Variants in CHRND observed in about 807,000 individuals in gnomAD.
The protein encoded by CHRND is cholinergic receptor nicotinic delta subunit.
Under a neutral mutation model 57.8 loss-of-function variants are expected in CHRND, and 40 were observed. That is an observed-to-expected ratio of 0.69 (90% confidence interval 0.54 to 0.90). The LOEUF (loss-of-function observed/expected upper bound fraction) is 0.90. CHRND is among the 40% of genes least tolerant of loss of function. The pLI is 0.00. For missense variants in CHRND, 634 were observed against 673.9 expected (o/e 0.94, Z 0.66); for synonymous variants, 237 against 270.6 (o/e 0.88, Z 1.22).
intron 7 of CHRND, among the ~76,000 whole-genome samples, chr2:232,530,854 G>A (rs879549196): frequency 1.3e-5 from 2 of 152,302 alleles, no homozygotes; most frequent in Admixed American, 6.5e-5. Context: ...TTGCCATCAC[G>A]TGCAGGAGCT....
chr2:232,528,433 C>T, intron 4 of CHRND, 62 bp downstream of exon 4: 2 of 1,613,748 alleles, frequency 1.2e-6, no homozygotes, highest in Non-Finnish European at 1.7e-6. Flanking sequence ...TAAGCCTCCT[C>T]TGCCTCCCCC....
intron 9 of CHRND, 64 bp from the exon 10 acceptor site, chr2:232,533,867 C>A: frequency 1.9e-6 from 3 of 1,541,416 alleles, no homozygotes; most frequent in Non-Finnish European, 2.7e-6. Context: ...CAGAATGAGA[C>A]TCCGTCTCAA....
At chr2:232,530,224 C>A in intron 7 of CHRND, 85 bp downstream of exon 7, 1 of 1,421,774 alleles carries the variant, frequency 7.0e-7, no homozygotes, top group Non-Finnish European at 9.8e-7. Flanking sequence ...CTCACTTCCT[C>A]CTGGGAGCCA....
chr2:232,531,672 GGC>G lies in CHRND; in HGVS notation c.1047+19_1047+20del. 6.3e-7 allele frequency: 1 copy of G among 1,598,210 alleles called. No homozygotes were observed. The highest frequency in any genetic ancestry group is 1.1e-5 in the South Asian group (1 of 90,800). ...GGTCAAGAAGGTGAGTACTTGGCCC[GGC>G]GCAAAAGCTCACCACTGTAATCCTG... On this transcript the variant is annotated intron_variant, in intron 9 of 11. Coordinates refer to ENST00000258385, the MANE Select transcript of CHRND (RefSeq NM_000751.3).
chr2:232,536,531 G>A lies in CHRND; in HGVS notation c.*1219G>A, dbSNP rs1040065300. 3 of 450,434 alleles carry A rather than the reference G, an allele frequency of 6.7e-6. No individual in the cohort carries two copies. The highest frequency in any genetic ancestry group is 1.3e-5 in the Non-Finnish European group (3 of 224,272). 27.9% of individuals were successfully genotyped at this position (450,434 alleles called of 1,614,324 possible). A position where few individuals can be genotyped will look rare whatever the true frequency, so the allele number is the denominator to read the frequency against. Reference sequence around the variant, plus strand: ...CTCTGCCCCAGTAGGGCCTTCGGATGAGATCACAGCCCAGTAGACATCTTA... The same window carrying A: ...CTCTGCCCCAGTAGGGCCTTCGGATAAGATCACAGCCCAGTAGACATCTTA... On this transcript the variant is annotated 3_prime_UTR_variant, in exon 12 of 12. Coordinates refer to ENST00000258385, the MANE Select transcript of CHRND (RefSeq NM_000751.3).
At chr2:232,528,189 C>T (rs1399642358) in intron 3 of CHRND, 73 bp from the exon 4 acceptor site, 8 of 1,398,744 alleles carry the variant, frequency 5.7e-6, no homozygotes, top group Non-Finnish European at 8.1e-6. Flanking sequence ...TCAGTCTTCT[C>T]TCAGGGAAGT....
At chr2:232,529,743 A>G (rs546875160) in intron 6 of CHRND, among the ~76,000 whole-genome samples, 196 bp from the exon 7 acceptor site, 1 of 152,342 alleles carries the variant, frequency 6.6e-6, no homozygotes, top group East Asian at 1.9e-4. Flanking sequence ...AATCAGTCAC[A>G]GAGGAAGATT....
Position 232,527,310 on chromosome 2 carries a change from A to AAAAG in CHRND, c.199-90_199-89insAAGA, listed in dbSNP as rs113930536. ...AATTGAGCAAGACCCTGGAAAAAAA[A>AAAAG]AGAGAGAGAGAGAGAGAGAGAGAGT... On this transcript the variant is annotated intron_variant, in intron 2 of 11. Coordinates refer to ENST00000258385, the MANE Select transcript of CHRND (RefSeq NM_000751.3). 175,173 of 876,426 alleles carry AAAAG rather than the reference A, an allele frequency of 0.2. 5,783 individuals carry two copies. Among genetic ancestry groups the AAAAG allele is most frequent in the Admixed American group, 0.31 (15,331 of 49,468 alleles). The allele number at this position is 876,426 out of a possible 1,614,324, so 54.3% of individuals were successfully genotyped here.
Position 232,536,043 on chromosome 2 carries a change from C to G in CHRND, c.*731C>G, listed in dbSNP as rs1157258747. 4.4e-6 allele frequency: 2 copies of G among 454,002 alleles called. No homozygotes were observed. Among genetic ancestry groups the G allele is most frequent in the Non-Finnish European group, 8.8e-6 (2 of 226,802 alleles). 28.1% of individuals were successfully genotyped at this position (454,002 alleles called of 1,614,324 possible). A position where few individuals can be genotyped will look rare whatever the true frequency, so the allele number is the denominator to read the frequency against. On this transcript the variant is annotated 3_prime_UTR_variant, in exon 12 of 12. Transcript: ENST00000258385. ...ATGCATTATTTGGGGCATACATATTCTAAAAAATCATTCGTTGTTTCTCTG... is the reference window on the plus strand; with the variant it reads ...ATGCATTATTTGGGGCATACATATTGTAAAAAATCATTCGTTGTTTCTCTG...
chr2:232,528,614 C>T lies in CHRND; in HGVS notation c.467C>T (p.Thr156Ile). The T allele has an allele frequency of 6.2e-7, 1 of 1,614,202 alleles. No individual in the cohort carries two copies. The highest frequency in any genetic ancestry group is 8.5e-7 in the Non-Finnish European group (1 of 1,180,048). The change falls in exon 5 of 12, where the codon ACC (threonine) becomes ATC (isoleucine). Residue 156 changes from threonine (T) to isoleucine (I), a missense_variant. Physicochemically the swap from Thr to Ile is moderately conservative, Grantham distance 89. Transcript: ENST00000258385. ...CGCTCCTCCTGCCCCATCTCTGTCA[C>T]CTATTTCCCCTTCGACTGGCAGAAC... Reference protein sequence around the residue: ...IFRSSCPISVTYFPFDWQNCS... With the variant: ...IFRSSCPISVIYFPFDWQNCS...
chr2:232,528,197 A>T, intron 3 of CHRND, 65 bp from the exon 4 acceptor site: 1 of 1,452,018 alleles, frequency 6.9e-7, no homozygotes, highest in South Asian at 1.1e-5. Flanking sequence ...CTCTCAGGGA[A>T]GTGGGGGGAG....
chr2:232,530,610 G>A (rs1283230420), intron 7 of CHRND, among the ~76,000 whole-genome samples: 1 of 152,148 alleles, frequency 6.6e-6, no homozygotes, highest in African/African-American at 2.4e-5. Context: ...GCAGGGCATA[G>A]TGAGTCCCAG....
At position 232,530,124 on chromosome 2, in the gene CHRND, T is replaced by A; in HGVS notation, c.805T>A (p.Tyr269Asn). 6.2e-7 allele frequency: 1 copy of A among 1,614,054 alleles called. No homozygotes were observed. Residue 269 changes from tyrosine to asparagine, a missense_variant, in exon 7 of 12, where the codon TAC (tyrosine) becomes AAC (asparagine). By Grantham distance (143) the Tyr-to-Asn change is moderately radical. Transcript: ENST00000258385. Reference sequence around the variant, plus strand: ...CTCCTTCATGGTCAACCTGGTCTTCTACCTACCGGCTGACAGTGAGCCTCC... The same window carrying A: ...CTCCTTCATGGTCAACCTGGTCTTCAACCTACCGGCTGACAGTGAGCCTCC... ...LISFMVNLVF[Y>N]LPADSGEKTS...
intron 6 of CHRND, 95 bp from the exon 7 acceptor site, chr2:232,529,844 C>T: frequency 1.5e-6 from 2 of 1,352,166 alleles, no homozygotes; most frequent in South Asian, 2.5e-5. Context: ...CGTCTCTGGA[C>T]TGGCTTGCCC....
chr2:232,528,508 G>C lies in CHRND; in HGVS notation c.361G>C (p.Gly121Arg), dbSNP rs752699014. 6.8e-6 allele frequency: 11 copies of C among 1,613,900 alleles called. No homozygotes were observed. In the African/African-American group the frequency reaches 1.5e-4, roughly 22 times the overall value. ...CTTGTCCCTGTCCCCCAGCAATGAC[G>C]GCTCCTTCCAGATCTCCTACTCCTG... Reference protein sequence around the residue: ...PEIVLENNNDGSFQISYSCNV... With the variant: ...PEIVLENNNDRSFQISYSCNV... The change falls in exon 5 of 12, where the codon GGC becomes CGC. Residue 121 changes from glycine to arginine, a missense_variant. Physicochemically the swap from Gly to Arg is moderately radical, Grantham distance 125. Coordinates refer to ENST00000258385, the MANE Select transcript of CHRND (RefSeq NM_000751.3).
chr2:232,534,182 G>A (rs376829594), intron 10 of CHRND, 42 bp from the exon 11 acceptor site: 7 of 1,614,050 alleles, frequency 4.3e-6, no homozygotes, highest in South Asian at 1.1e-5. Context: ...TGGGAGGTGG[G>A]TGGAGGCAGG....
Position 232,531,671 on chromosome 2 carries a change from CG to C in CHRND, c.1047+17del. 1 of 1,601,702 alleles carries C rather than the reference CG, an allele frequency of 6.2e-7. No homozygotes were observed. Among genetic ancestry groups the C allele is most frequent in the Non-Finnish European group, 8.5e-7 (1 of 1,171,778 alleles). On this transcript the variant is annotated intron_variant, in intron 9 of 11. Coordinates refer to ENST00000258385, the MANE Select transcript of CHRND (RefSeq NM_000751.3). ...GGGTCAAGAAGGTGAGTACTTGGCC[CG>C]GCGCAAAAGCTCACCACTGTAATCC...
intron 2 of CHRND, among the ~76,000 whole-genome samples, chr2:232,527,088 C>A (rs1268162526): frequency 1.3e-5 from 2 of 151,900 alleles, no homozygotes; most frequent in African/African-American, 4.8e-5. Context: ...CACCTGAGGT[C>A]AGGAGCTCGA....
rs1691630692 is a variant in CHRND, at chr2:232,530,116, T to C, written c.797T>C (p.Leu266Pro). Residue 266 changes from leucine (L) to proline (P), a missense_variant, in exon 7 of 12, where the codon CTG becomes CCG. By Grantham distance (98) the Leu-to-Pro change is moderately conservative (BLOSUM62 -3). Coordinates refer to ENST00000258385, the MANE Select transcript of CHRND (RefSeq NM_000751.3). ...GTGCTCATCTCCTTCATGGTCAACC[T>C]GGTCTTCTACCTACCGGCTGACAGT... ...PCVLISFMVNLVFYLPADSGE... is the reference protein window; with the variant it reads ...PCVLISFMVNPVFYLPADSGE... 1 of 1,614,010 alleles carries C rather than the reference T, an allele frequency of 6.2e-7. No homozygotes were observed. Among genetic ancestry groups the C allele is most frequent in the Non-Finnish European group, 8.5e-7 (1 of 1,180,028 alleles).
Sources: allele counts gnomAD v4.1 joint callset (sites outside exome capture counted in the v4.1 genomes callset), GRCh38; gene constraint gnomAD v4.1.1; transcripts MANE v1.5; gene names NCBI Gene and HGNC (gene_info 2026-07-23, HGNC 2026-07-21).